Variants in TYSND1 observed in about 807,000 individuals in gnomAD.
TYSND1 encodes peroxisomal leader peptide-processing protease.
TYSND1 carries 30 observed loss-of-function variants against 37.2 expected under a neutral mutation model. The ratio of observed to expected loss-of-function variants is 0.81; its 90% CI spans 0.60 to 1.09. The LOEUF (loss-of-function observed/expected upper bound fraction) is 1.09, where lower values mean the gene tolerates loss of function less well. Among genes scored for constraint, TYSND1 ranks in the 50% least tolerant of loss-of-function variants. The probability of loss-of-function intolerance (pLI) is 0.00; values close to 1 mark genes in which losing one functional copy is unlikely to be tolerated. For missense variants in TYSND1, 806 were observed against 817.4 expected, an observed-to-expected ratio of 0.99 and a Z score of 0.17; for synonymous variants, 364 against 383.8, an observed-to-expected ratio of 0.95 and a Z score of 0.60.
At chr10:70,144,696 G>T in intron 1 of TYSND1, 2 of 985,862 alleles carry the variant, frequency 2.0e-6, no homozygotes, top group Non-Finnish European at 2.4e-6. Context: ...AATCTGGTGG[G>T]GGCCACACAC....
At chr10:70,141,833 C>T (rs996281025) in intron 3 of TYSND1, among the ~76,000 whole-genome samples, 9 of 152,116 alleles carry the variant, frequency 5.9e-5, no homozygotes, top group African/African-American at 2.2e-4. Flanking sequence ...CCTCAGCCTC[C>T]GGAAGTGTTG....
chr10:70,143,420 A>T (rs1291447838), intron 2 of TYSND1, among the ~76,000 whole-genome samples: 1 of 152,238 alleles, frequency 6.6e-6, no homozygotes, highest in Non-Finnish European at 1.5e-5. Context: ...CATGGGACTA[A>T]TAGGTGGCAT....
At position 70,145,897 on chromosome 10, in the gene TYSND1, G is replaced by A. The variant is rs1022060999; in HGVS notation, c.690C>T (p.Cys230=). The change falls in exon 1 of 4, where the codon TGC becomes TGT. Residue 230 remains cysteine, a synonymous_variant. Coordinates refer to ENST00000287078, the MANE Select transcript of TYSND1 (RefSeq NM_173555.4). ...LVCGSPFGAF[C]PDIFLNTLSC... is the part of the protein sequence containing the mutation. ...TCAGCGTGTTGAGAAAGATGTCGGG[G>A]CAGAAGGCGCCGAAAGGGGAGCCGC... The A allele has an allele frequency of 6.5e-6, 10 of 1,547,772 alleles. No homozygotes were observed. The African/African-American group carries it at 8.2e-5, about 13-fold the overall frequency.
chr10:70,140,332 C>T (rs916172148), intron 3 of TYSND1, among the ~76,000 whole-genome samples, 191 bp from the exon 4 acceptor site: 1 of 152,172 alleles, frequency 6.6e-6, no homozygotes, highest in African/African-American at 2.4e-5. Context: ...TTTACGTTTT[C>T]TCCTTAACAC....
intron 3 of TYSND1, 69 bp from the exon 4 acceptor site, chr10:70,140,210 A>T: frequency 7.6e-7 from 1 of 1,310,930 alleles, no homozygotes; most frequent in Non-Finnish European, 1.1e-6. Flanking sequence ...AGGGAGGAGG[A>T]CCATCTCCAC....
rs1191592298 is a variant in TYSND1, at chr10:70,146,675, G to T, written c.-89C>A. The T allele has an allele frequency of 5.4e-6, 7 of 1,295,712 alleles. No individual in the cohort carries two copies. Among genetic ancestry groups the T allele is most frequent in the Non-Finnish European group, 7.1e-6 (7 of 988,536 alleles). The allele number at this position is 1,295,712 out of a possible 1,614,324, so 80.3% of individuals were successfully genotyped here. Reference sequence around the variant, plus strand: ...TACCCGGTCCGGCTGAAGCTGCCTAGCGCCACCCACAGCTGGAAGCGAGAG... The same window carrying T: ...TACCCGGTCCGGCTGAAGCTGCCTATCGCCACCCACAGCTGGAAGCGAGAG... On this transcript the variant is annotated 5_prime_UTR_variant, in exon 1 of 4. Coordinates refer to ENST00000287078, the MANE Select transcript of TYSND1 (RefSeq NM_173555.4).
In TYSND1 at chr10:70,139,391, C is replaced by T. The variant is rs2072722740; in HGVS notation, c.*533G>A. The T allele has an allele frequency of 6.5e-6, 1 of 153,042 alleles. No individual in the cohort carries two copies. The highest frequency in any genetic ancestry group is 2.4e-5 in the African/African-American group (1 of 41,446). 9.5% of individuals were successfully genotyped at this position (153,042 alleles called of 1,614,324 possible). Reference sequence around the variant, plus strand: ...GCCTGCACTGCCCATGGGCCTGGCACAGCAGGAGGCACTCCTGTTTCTGTC... The same window carrying T: ...GCCTGCACTGCCCATGGGCCTGGCATAGCAGGAGGCACTCCTGTTTCTGTC... On this transcript the variant is annotated 3_prime_UTR_variant, in exon 4 of 4. Coordinates refer to ENST00000287078, the MANE Select transcript of TYSND1 (RefSeq NM_173555.4).
Position 70,146,643 on chromosome 10 carries a change from G to T in TYSND1, c.-57C>A. ...CGAGAAACAGCAAGCTAGCGAGCGA[G>T]GACCCCTACCCGGTCCGGCTGAAGC... On this transcript the variant is annotated 5_prime_UTR_variant, in exon 1 of 4. Coordinates refer to ENST00000287078, the MANE Select transcript of TYSND1 (RefSeq NM_173555.4). The T allele has an allele frequency of 7.0e-7, 1 of 1,438,310 alleles. No individual in the cohort carries two copies. The highest frequency in any genetic ancestry group is 1.5e-5 in the African/African-American group (1 of 68,528). 89.1% of individuals were successfully genotyped at this position (1,438,310 alleles called of 1,614,324 possible).
Position 70,142,808 on chromosome 10 carries a change from C to T in TYSND1, c.1343G>A (p.Cys448Tyr). The T allele has an allele frequency of 6.2e-7, 1 of 1,614,112 alleles. No homozygotes were observed. Among genetic ancestry groups the T allele is most frequent in the Non-Finnish European group, 8.5e-7 (1 of 1,180,026 alleles). Reference protein sequence around the residue: ...VVGFGVFGQSCGPSVTSGILS... With the variant: ...VVGFGVFGQSYGPSVTSGILS... Reference sequence around the variant, plus strand: ...GATGCCTGAGGTCACCGAGGGCCCGCAAGACTGGCCAAAGACGCCAAAGCC... The same window carrying T: ...GATGCCTGAGGTCACCGAGGGCCCGTAAGACTGGCCAAAGACGCCAAAGCC... The change falls in exon 3 of 4, where the codon TGC (cysteine) becomes TAC (tyrosine). Residue 448 changes from cysteine (C) to tyrosine (Y), a missense_variant. Around this residue, in one of 3 missense-constraint regions of TYSND1, gnomAD observed 708 missense variants for 705.4 expected, o/e 1.00. Transcript: ENST00000287078.
In TYSND1 at chr10:70,146,119, C is replaced by A; in HGVS notation, c.468G>T (p.Ala156=). 6.4e-7 allele frequency: 1 copy of A among 1,562,976 alleles called. No individual in the cohort carries two copies. The highest frequency in any genetic ancestry group is 1.4e-5 in the African/African-American group (1 of 73,510). ...HFARLFGDEA[A]EQWRFSSAAR... is the part of the protein sequence containing the mutation. ...CCGCGCTCGAGAAGCGCCACTGTTC[C>A]GCTGCCTCGTCCCCGAAGAGGCGCG... Residue 156 remains alanine, a synonymous_variant, in exon 1 of 4, where the codon GCG becomes GCT. Transcript: ENST00000287078.
In TYSND1 at chr10:70,140,061, G is replaced by A; in HGVS notation, c.1564C>T (p.Leu522Phe). Reference protein sequence around the residue: ...HLNFSIPITVLQPALQQYSQT... With the variant: ...HLNFSIPITVFQPALQQYSQT... ...CTGTACTGCTGCAGGGCCGGCTGGA[G>A]CACCGTGATGGGAATGCTGAAGTTC... is the stretch of plus-strand genomic sequence containing the variant. The change falls in exon 4 of 4, where the codon CTC becomes TTC. Residue 522 changes from leucine (L) to phenylalanine (F), a missense_variant. Physicochemically the swap from Leu to Phe is conservative, Grantham distance 22 (BLOSUM62 0). Around this residue, in one of 3 missense-constraint regions of TYSND1, gnomAD observed 708 missense variants for 705.4 expected, o/e 1.00. Transcript: ENST00000287078. The A allele has an allele frequency of 1.2e-6, 2 of 1,614,190 alleles. No homozygotes were observed. The highest frequency in any genetic ancestry group is 1.7e-6 in the Non-Finnish European group (2 of 1,180,000).
In TYSND1 at chr10:70,142,701, G is replaced by A. The variant is rs1347251621; in HGVS notation, c.1450C>T (p.Pro484Ser). The change falls in exon 3 of 4, where the codon CCC becomes TCC. Residue 484 changes from proline (P) to serine (S), a missense_variant. Pro to Ser is a moderately conservative substitution (Grantham distance 74, BLOSUM62 -1). This residue lies in a region of TYSND1 where 708 missense variants were observed against 705.4 expected (regional missense o/e 1.00). Coordinates refer to ENST00000287078, the MANE Select transcript of TYSND1 (RefSeq NM_173555.4). Reference protein sequence around the residue: ...CAVHSGSSGGPLFSNHSGNLL... With the variant: ...CAVHSGSSGGSLFSNHSGNLL... ...TTTCCTGAGTGGTTGGAGAAGAGGG[G>A]TCCCCCACTGGAGCCGCTGTGCACA... is the stretch of plus-strand genomic sequence containing the variant. 1.2e-6 allele frequency: 2 copies of A among 1,605,534 alleles called. No individual in the cohort carries two copies. The highest frequency in any genetic ancestry group is 1.7e-6 in the Non-Finnish European group (2 of 1,176,134).
At chr10:70,143,717 A>C in intron 2 of TYSND1, 125 bp downstream of exon 2, 1 of 1,189,396 alleles carries the variant, frequency 8.4e-7, no homozygotes, top group South Asian at 1.5e-5. Context: ...AAAGGGAGGC[A>C]GGCCTCCAAG....
intron 3 of TYSND1, 100 bp from the exon 4 acceptor site, chr10:70,140,241 G>GT: frequency 2.0e-6 from 2 of 1,009,772 alleles, no homozygotes; most frequent in Non-Finnish European, 2.9e-6. Flanking sequence ...CCAGGGCCTG[G>GT]TAGGGCTGGA....
chr10:70,142,403 A>G (rs1036968405), intron 3 of TYSND1, among the ~76,000 whole-genome samples: 2 of 151,974 alleles, frequency 1.3e-5, no homozygotes, highest in African/African-American at 4.8e-5. Flanking sequence ...TGACGCTTTG[A>G]CTAATCCAAC....
intron 3 of TYSND1, 56 bp downstream of exon 3, chr10:70,142,612 G>T: frequency 6.8e-7 from 1 of 1,472,694 alleles, no homozygotes; most frequent in Non-Finnish European, 9.2e-7. Context: ...CACTCATGGG[G>T]TGGGACTGAG....
intron 3 of TYSND1, among the ~76,000 whole-genome samples, chr10:70,141,239 C>T (rs1283571954): frequency 2.2e-3 from 273 of 126,188 alleles, no homozygotes; most frequent in African/African-American, 7.9e-3. Flanking sequence ...CCATACCTGG[C>T]TTTTTTTTTT....
At position 70,138,062 on chromosome 10, in the gene TYSND1, GGAA is replaced by G. The variant is rs2072695453; in HGVS notation, c.*1859_*1861del. On this transcript the variant is annotated 3_prime_UTR_variant, in exon 4 of 4. Transcript: ENST00000287078. ...ACATAGAGCAAGGAATGAGGGAAGG[GGAA>G]GGAGTGCAGAGCTTCCGTGCCCTCC... 6.6e-6 allele frequency: 1 copy of G among 152,230 alleles called. No homozygotes were observed. The highest frequency in any genetic ancestry group is 6.5e-5 in the Admixed American group (1 of 15,280). The allele number at this position is 152,230 out of a possible 1,614,324, so 9.4% of individuals were successfully genotyped here.
At chr10:70,144,671 G>C (rs955487167) in intron 1 of TYSND1, 27 of 985,782 alleles carry the variant, frequency 2.7e-5, no homozygotes, top group Non-Finnish European at 3.0e-5. Flanking sequence ...AGGGGCATGT[G>C]GGGGGAGTGG....
Sources: gnomAD v4.1 joint callset for allele counts (sites outside exome capture counted in the v4.1 genomes callset) on GRCh38, gnomAD v4.1.1 for gene constraint, gnomAD v4.1.1 regional missense constraint, MANE v1.5 for transcripts, NCBI Gene and HGNC (gene_info 2026-07-23, HGNC 2026-07-21) for gene names.